Variants in SLC17A8 observed in about 807,000 individuals in gnomAD.
SLC17A8 encodes solute carrier family 17 member 8, also known as vesicular glutamate transporter 3.
A neutral mutation model predicts 58.0 loss-of-function variants in SLC17A8; 31 were observed. That is an observed-to-expected ratio of 0.53 (90% confidence interval 0.40 to 0.72). The LOEUF (loss-of-function observed/expected upper bound fraction) is 0.72, where lower values mean the gene tolerates loss of function less well. Ranked by LOEUF, SLC17A8 falls within the 30% of genes least tolerant of loss-of-function variation. The probability of loss-of-function intolerance (pLI) is 0.00; values close to 1 mark genes in which losing one functional copy is unlikely to be tolerated. For missense variants in SLC17A8, 655 were observed against 727.8 expected (o/e 0.90, Z 1.15); for synonymous variants, 228 against 249.0 (o/e 0.92, Z 0.79).
chr12:100,401,897 C>T (rs1952793947), intron 6 of SLC17A8, 34 bp downstream of exon 6: 1 of 1,518,372 alleles, frequency 6.6e-7, no homozygotes, highest in Non-Finnish European at 9.2e-7. Context: ...TCACATGTGA[C>T]TCATAGAGAT....
At position 100,393,501 on chromosome 12, in the gene SLC17A8, T is replaced by C; in HGVS notation, c.588+18T>C. The C allele has an allele frequency of 6.3e-7, 1 of 1,579,050 alleles. No individual in the cohort carries two copies. Among genetic ancestry groups the C allele is most frequent in the Non-Finnish European group, 8.7e-7 (1 of 1,148,726 alleles). ...TAGTGGAGGTAGGAGATACTTTCCT[T>C]ACAGTTTTTGATATTGCTAGAGACA... On this transcript the variant is annotated intron_variant, in intron 4 of 11. Coordinates refer to ENST00000323346, the MANE Select transcript of SLC17A8 (RefSeq NM_139319.3).
rs1482224830 is a variant in SLC17A8, at chr12:100,367,536, TTTTTATTC to T, written c.101+10052_101+10059del. On this transcript the variant is annotated intron_variant, in intron 1 of 11. Transcript: ENST00000323346. ...GGCATTCTCTCCTGGAATGGATAAT[TTTTTATTC>T]TTTTATTTATTTATTTATTTATTTG... 2.0e-5 allele frequency among the ~76,000 whole-genome samples: 3 copies of T among 152,148 alleles called. No individual in the cohort carries two copies. The South Asian group carries it at 6.2e-4, about 32-fold the overall frequency.
At chr12:100,419,748 T>G (rs770735522) in intron 11 of SLC17A8, 67 bp from the exon 12 acceptor site, 2 of 1,522,132 alleles carry the variant, frequency 1.3e-6, no homozygotes. Flanking sequence ...AGTGGAGGCC[T>G]CCAGGACATA....
chr12:100,416,432 T>C (rs1041977430), intron 10 of SLC17A8, among the ~76,000 whole-genome samples: 5 of 152,212 alleles, frequency 3.3e-5, no homozygotes, highest in Admixed American at 2.6e-4. Context: ...GTATGTTTAT[T>C]ATTACCAAAA....
chr12:100,359,107 C>T (rs1952467241), intron 1 of SLC17A8, among the ~76,000 whole-genome samples: 1 of 152,054 alleles, frequency 6.6e-6, no homozygotes, highest in South Asian at 2.1e-4. Flanking sequence ...TGCACTCCAG[C>T]TAGGGTGACA....
Position 100,357,232 on chromosome 12 carries a change from C to T in SLC17A8, c.-160C>T, listed in dbSNP as rs190137557. 20 of 669,240 alleles carry T rather than the reference C, an allele frequency of 3.0e-5. No homozygotes were observed. The East Asian group carries it at 4.7e-4, about 16-fold the overall frequency. 41.5% of individuals were successfully genotyped at this position (669,240 alleles called of 1,614,324 possible). On this transcript the variant is annotated 5_prime_UTR_variant, in exon 1 of 12. Coordinates refer to ENST00000323346, the MANE Select transcript of SLC17A8 (RefSeq NM_139319.3). The stretch of plus-strand genomic sequence containing the variant: ...GTTGTCTTATCTTGGAAGATCCGAG[C>T]TGGGTTTCATCTCCTTTTTGATTTT...
At chr12:100,369,557 T>A (rs1225247349) in intron 1 of SLC17A8, among the ~76,000 whole-genome samples, 1 of 152,232 alleles carries the variant, frequency 6.6e-6, no homozygotes, top group Admixed American at 6.5e-5. Flanking sequence ...TGTATCCTCT[T>A]CTTGTTCTGT....
At chr12:100,357,528 G>A (rs1327388507) in intron 1 of SLC17A8, 36 bp downstream of exon 1, 3 of 1,364,212 alleles carry the variant, frequency 2.2e-6, no homozygotes, top group East Asian at 4.6e-5. Flanking sequence ...TCCTTTCTGA[G>A]TAGCTTCGTA....
chr12:100,358,710 C>T (rs538791458), intron 1 of SLC17A8, among the ~76,000 whole-genome samples: 14 of 152,238 alleles, frequency 9.2e-5, no homozygotes, highest in South Asian at 4.1e-4. Flanking sequence ...TTTATCCTTC[C>T]GTTGAGCACT....
intron 1 of SLC17A8, among the ~76,000 whole-genome samples, chr12:100,358,556 C>G (rs914776296): frequency 6.6e-6 from 1 of 152,014 alleles, no homozygotes; most frequent in African/African-American, 2.4e-5. Flanking sequence ...AGTTGGACAC[C>G]TTATTATTTT....
At chr12:100,368,300 A>G (rs1952534300) in intron 1 of SLC17A8, among the ~76,000 whole-genome samples, 1 of 152,100 alleles carries the variant, frequency 6.6e-6, no homozygotes, top group Non-Finnish European at 1.5e-5. Context: ...TTGTGGATGC[A>G]TTGCTCCAAT....
intron 1 of SLC17A8, among the ~76,000 whole-genome samples, chr12:100,373,812 C>A (rs917049051): frequency 3.9e-5 from 6 of 151,914 alleles, no homozygotes; most frequent in Admixed American, 3.9e-4. Context: ...TGGTCTCGAA[C>A]CCCTAATTTC....
intron 5 of SLC17A8, among the ~76,000 whole-genome samples, chr12:100,401,306 CCTT>C (rs1397178342): frequency 1.3e-5 from 2 of 151,266 alleles, no homozygotes; most frequent in Non-Finnish European, 2.9e-5. Context: ...GCAACCCTCT[CCTT>C]TTTTTTTTTA....
chr12:100,403,187 C>T (rs1348815937), intron 8 of SLC17A8, among the ~76,000 whole-genome samples: 1 of 152,138 alleles, frequency 6.6e-6, no homozygotes. Context: ...TTAGAAAGAA[C>T]CTCTTTCTGC....
intron 5 of SLC17A8, among the ~76,000 whole-genome samples, chr12:100,398,504 C>G (rs1290419395): frequency 1.3e-5 from 2 of 152,184 alleles, no homozygotes; most frequent in African/African-American, 4.8e-5. Flanking sequence ...CCTAAAAGGG[C>G]TGATTTAAGA....
chr12:100,386,946 C>A (rs949896334), intron 2 of SLC17A8, among the ~76,000 whole-genome samples: 2 of 152,142 alleles, frequency 1.3e-5, no homozygotes, highest in African/African-American at 2.4e-5. Context: ...GCCTTGGGCT[C>A]CCAAAGTGCT....
intron 1 of SLC17A8, among the ~76,000 whole-genome samples, chr12:100,379,855 A>G (rs993777370): frequency 2.6e-5 from 4 of 152,130 alleles, no homozygotes; most frequent in African/African-American, 7.2e-5. Flanking sequence ...ATGGGTGTGC[A>G]TTGTGATAGA....
rs1952940084 is a variant in SLC17A8 at position 100,420,330 on chromosome 12, G to A, written c.*171G>A. ...TCTTTCAATGACATGTATAGGTAAGGAGCTGCGCTCAGTTGATAACATAGT... is the reference window on the plus strand; with the variant it reads ...TCTTTCAATGACATGTATAGGTAAGAAGCTGCGCTCAGTTGATAACATAGT... On this transcript the variant is annotated 3_prime_UTR_variant, in exon 12 of 12. Transcript: ENST00000323346. 4.9e-6 allele frequency: 3 copies of A among 616,094 alleles called. No homozygotes were observed. The South Asian group carries it at 5.9e-5, about 12-fold the overall frequency. The allele number at this position is 616,094 out of a possible 1,614,324, so 38.2% of individuals were successfully genotyped here.
At chr12:100,371,388 TA>T (rs575512783) in intron 1 of SLC17A8, among the ~76,000 whole-genome samples, 1 of 151,916 alleles carries the variant, frequency 6.6e-6, no homozygotes, top group South Asian at 2.1e-4. Flanking sequence ...CCAGAACCTT[TA>T]AAAAAAAGTC....
Sources: allele counts gnomAD v4.1 joint callset (sites outside exome capture counted in the v4.1 genomes callset), GRCh38; gene constraint gnomAD v4.1.1; transcripts MANE v1.5; gene names NCBI Gene and HGNC (gene_info 2026-07-23, HGNC 2026-07-21).